BCAR3: variants seen among roughly 807,000 people sequenced by gnomAD.
The protein encoded by BCAR3 is BCAR3 adaptor protein, NSP family member.
BCAR3 carries 37 observed loss-of-function variants against 80.1 expected under a neutral mutation model. The observed-to-expected ratio is 0.46, with a 90% CI of 0.36 to 0.61. The LOEUF is 0.61. BCAR3 is among the 20% of genes least tolerant of loss of function. The pLI, the probability that BCAR3 is intolerant of heterozygous loss-of-function variation, is 0.00. For synonymous variants in BCAR3, 389 were observed against 418.9 expected, an observed-to-expected ratio of 0.93 and a Z score of 0.87; for missense variants, 978 against 1,068.2, an observed-to-expected ratio of 0.92 and a Z score of 1.18.
intron 2 of BCAR3, among the ~76,000 whole-genome samples, chr1:93,707,893 A>G (rs1649879121): frequency 6.6e-6 from 1 of 152,216 alleles, no homozygotes; most frequent in Non-Finnish European, 1.5e-5. Flanking sequence ...ACACAGCCAG[A>G]CTTCAATCTA....
At chr1:93,764,845 C>T (rs1652086327) in intron 2 of BCAR3, among the ~76,000 whole-genome samples, 1 of 152,176 alleles carries the variant, frequency 6.6e-6, no homozygotes, top group Non-Finnish European at 1.5e-5. Flanking sequence ...ACTTCTGCCT[C>T]CTAAGTGGGA....
chr1:93,783,457 C>A (rs368608874), intron 2 of BCAR3, among the ~76,000 whole-genome samples: 50 of 152,164 alleles, frequency 3.3e-4, no homozygotes, highest in African/African-American at 1.2e-3. Context: ...ATGTTCAGAG[C>A]AGCTGTACAA....
At chr1:93,840,458 T>C (rs1438784540) in intron 2 of BCAR3, among the ~76,000 whole-genome samples, 3 of 152,218 alleles carry the variant, frequency 2.0e-5, no homozygotes, top group African/African-American at 4.8e-5. Flanking sequence ...TGCTAAACAA[T>C]TAAGATTCAC....
rs531926430 is a variant in BCAR3, at chr1:93,562,109, A to G, written c.*132T>C. On this transcript the variant is annotated 3_prime_UTR_variant, in exon 12 of 12. Coordinates refer to ENST00000260502, the MANE Select transcript of BCAR3 (RefSeq NM_003567.4). ...GTGCTCTGTGCAATTTACACGTTTA[A>G]TATCCTGTGGATACTAAAAGCTTGT... The G allele has an allele frequency of 1.5e-5, 13 of 879,180 alleles. No individual in the cohort carries two copies. In the African/African-American group the frequency reaches 2.0e-4, roughly 14 times the overall value. 54.5% of individuals were successfully genotyped at this position (879,180 alleles called of 1,614,324 possible). A position where few individuals can be genotyped will look rare whatever the true frequency, so the allele number is the denominator to read the frequency against.
intron 2 of BCAR3, among the ~76,000 whole-genome samples, chr1:93,657,030 T>G (rs1339966604): frequency 6.6e-6 from 1 of 152,210 alleles, no homozygotes; most frequent in African/African-American, 2.4e-5. Context: ...GAGCAAGTTT[T>G]CATCCAAAAA....
intron 3 of BCAR3, among the ~76,000 whole-genome samples, chr1:93,608,021 G>C (rs374105276): frequency 5.1e-4 from 77 of 152,296 alleles, no homozygotes; most frequent in African/African-American, 1.6e-3. Flanking sequence ...GTCAGAGGCT[G>C]GATGGATAGT....
rs1422568036 is a variant in BCAR3 at position 93,573,630 on chromosome 1, A to ATT, written c.1803-1791_1803-1790dup. Among the ~76,000 whole-genome samples, 1,040 of 139,064 alleles carry ATT rather than the reference A, an allele frequency of 7.5e-3. 15 individuals carry two copies. Among genetic ancestry groups the ATT allele is most frequent in the African/African-American group, 0.028 (996 of 35,716 alleles). The allele number at this position is 139,064 out of a possible 152,430, so 91.2% of individuals were successfully genotyped here. A position where few individuals can be genotyped will look rare whatever the true frequency, so the allele number is the denominator to read the frequency against. On this transcript the variant is annotated intron_variant, in intron 8 of 11. Transcript: ENST00000260502. ...TATTTTTATTATTATTATTATTATT[A>ATT]TTATTTTTTTTTTTTTGAGACAGGG...
chr1:93,607,456 G>A (rs1674805494), intron 3 of BCAR3, among the ~76,000 whole-genome samples: 1 of 152,070 alleles, frequency 6.6e-6, no homozygotes, highest in Non-Finnish European at 1.5e-5. Flanking sequence ...AGGACAAGCA[G>A]GACAGATGGG....
chr1:93,705,736 T>G (rs1414825682), intron 3 of BCAR3, among the ~76,000 whole-genome samples: 1 of 152,226 alleles, frequency 6.6e-6, no homozygotes, highest in East Asian at 1.9e-4. Context: ...ATGGTAACCA[T>G]CATTCTACCT....
At chr1:93,798,809 C>A (rs534771643) in intron 2 of BCAR3, among the ~76,000 whole-genome samples, 26 of 152,210 alleles carry the variant, frequency 1.7e-4, no homozygotes, top group Middle Eastern at 3.4e-3. Flanking sequence ...GTATCTCCTG[C>A]AAATTCTGAC....
chr1:93,722,650 C>T (rs1403768481), intron 2 of BCAR3, among the ~76,000 whole-genome samples: 4 of 152,194 alleles, frequency 2.6e-5, no homozygotes, highest in Non-Finnish European at 4.4e-5. Flanking sequence ...CATAAATCCT[C>T]TTGCCTAAGT....
intron 2 of BCAR3, among the ~76,000 whole-genome samples, chr1:93,748,368 T>G (rs1460961602): frequency 6.6e-6 from 1 of 152,180 alleles, no homozygotes; most frequent in Admixed American, 6.5e-5. Flanking sequence ...GGTTGCATCC[T>G]AATTGCGATA....
chr1:93,822,591 G>A (rs1021659829), intron 2 of BCAR3, among the ~76,000 whole-genome samples: 4 of 151,956 alleles, frequency 2.6e-5, no homozygotes, highest in African/African-American at 7.3e-5. Flanking sequence ...TGCCCGCCTC[G>A]GCCTCCTAAA....
intron 3 of BCAR3, among the ~76,000 whole-genome samples, chr1:93,641,950 TCTTA>T (rs1675993509): frequency 6.6e-6 from 1 of 152,222 alleles, no homozygotes; most frequent in South Asian, 2.1e-4. Flanking sequence ...GTGTGAATAT[TCTTA>T]CTTGTCACTG....
At chr1:93,758,139 G>A (rs1386892475) in intron 2 of BCAR3, among the ~76,000 whole-genome samples, 3 of 152,168 alleles carry the variant, frequency 2.0e-5, no homozygotes, top group Non-Finnish European at 4.4e-5. Context: ...CCATCAGCAG[G>A]CAGCACTCCC....
At chr1:93,624,083 G>C (rs1045580730) in intron 3 of BCAR3, among the ~76,000 whole-genome samples, 1 of 152,190 alleles carries the variant, frequency 6.6e-6, no homozygotes, top group African/African-American at 2.4e-5. Context: ...GGAATGTACT[G>C]TGCCACTGGT....
chr1:93,572,359 A>G (rs1673254637), intron 8 of BCAR3, among the ~76,000 whole-genome samples: 1 of 152,244 alleles, frequency 6.6e-6, no homozygotes, highest in African/African-American at 2.4e-5. Context: ...AAGAGGAGGT[A>G]AGAATGGTGT....
At chr1:93,746,629 G>T (rs187119836) in intron 2 of BCAR3, among the ~76,000 whole-genome samples, 1 of 152,202 alleles carries the variant, frequency 6.6e-6, no homozygotes, top group Admixed American at 6.5e-5. Context: ...TAGTCAAGGC[G>T]CCCCAGGCTC....
rs112555194 is a variant in BCAR3, at chr1:93,844,681, C to T, written c.-63+886G>A. 4.7e-3 allele frequency among the ~76,000 whole-genome samples: 715 copies of T among 151,668 alleles called. 3 individuals carry two copies. Among genetic ancestry groups the T allele is most frequent in the Non-Finnish European group, 8.4e-3 (573 of 67,946 alleles). ...TTCAGAGAACCACCACACACCTGAC[C>T]TTGTTTGGCTGTGACTTTCTTCTTT... On this transcript the variant is annotated intron_variant, in intron 2 of 13. Transcript: ENST00000370244.
Sources: gnomAD v4.1 joint callset for allele counts (sites outside exome capture counted in the v4.1 genomes callset) on GRCh38, gnomAD v4.1.1 for gene constraint, MANE v1.5 for transcripts, NCBI Gene and HGNC (gene_info 2026-07-23, HGNC 2026-07-21) for gene names.